Variants in CFAP20DC observed in about 807,000 individuals in gnomAD.
The protein encoded by CFAP20DC is protein CFAP20DC.
A neutral mutation model predicts 101.7 loss-of-function variants in CFAP20DC; 84 were observed. That is an observed-to-expected ratio of 0.83 (90% CI 0.69 to 0.99). The LOEUF (loss-of-function observed/expected upper bound fraction) is 0.99. CFAP20DC is among the 50% of genes least tolerant of loss of function. The pLI is 0.00. For missense variants in CFAP20DC, 1,007 were observed against 970.3 expected (o/e 1.04, Z -0.50); for synonymous variants, 359 against 351.2 (o/e 1.02, Z -0.25).
At chr3:59,035,703 A>C (rs542824598) in intron 4 of CFAP20DC, among the ~76,000 whole-genome samples, 1 of 152,336 alleles carries the variant, frequency 6.6e-6, no homozygotes, top group African/African-American at 2.4e-5. Flanking sequence ...GGCAGTAATT[A>C]ATACCCTACC....
At chr3:58,885,601 C>T (rs944338891) in intron 6 of CFAP20DC, among the ~76,000 whole-genome samples, 8 of 150,556 alleles carry the variant, frequency 5.3e-5, no homozygotes, top group Non-Finnish European at 1.2e-4. Flanking sequence ...TACATCTTTC[C>T]CTACCCCTCC....
In CFAP20DC at chr3:58,913,949, G is replaced by A. The variant is rs1443183259; in HGVS notation, c.394-85C>T. 1.4e-6 allele frequency: 2 copies of A among 1,401,140 alleles called. No homozygotes were observed. The highest frequency in any genetic ancestry group is 1.4e-5 in the African/African-American group (1 of 70,212). The allele number at this position is 1,401,140 out of a possible 1,614,324, so 86.8% of individuals were successfully genotyped here. A position where few individuals can be genotyped will look rare whatever the true frequency, so the allele number is the denominator to read the frequency against. ...CCATCTATATGTAGACATTCAAAGAGTTGAGGCAGTTATCCTGATCAACAA... is the reference window on the plus strand; with the variant it reads ...CCATCTATATGTAGACATTCAAAGAATTGAGGCAGTTATCCTGATCAACAA... On this transcript the variant is annotated intron_variant, in intron 5 of 16. Coordinates refer to ENST00000482387, the MANE Select transcript of CFAP20DC (RefSeq NM_001394063.1). The surrounding 1 kb of genome is among the most constrained non-coding windows in gnomAD (Gnocchi z 4.4).
intron 4 of CFAP20DC, among the ~76,000 whole-genome samples, chr3:58,947,203 CT>C (rs1275592996): frequency 6.6e-6 from 1 of 152,160 alleles, no homozygotes; most frequent in Non-Finnish European, 1.5e-5. Context: ...CAACCATTTA[CT>C]TTACTTTACT....
At chr3:58,784,993 G>A (rs76179962) in intron 15 of CFAP20DC, among the ~76,000 whole-genome samples, 2,193 of 152,020 alleles carry the variant, frequency 0.014, 54 homozygotes, top group African/African-American at 0.051. Context: ...TGTTTATTGC[G>A]GCACTATTCA....
chr3:59,004,421 T>C (rs2093384443), intron 4 of CFAP20DC, among the ~76,000 whole-genome samples: 1 of 152,160 alleles, frequency 6.6e-6, no homozygotes, highest in Non-Finnish European at 1.5e-5. Context: ...ACATTAATTA[T>C]TATGGTAAGA....
At chr3:59,034,661 T>C (rs1321971399) in intron 4 of CFAP20DC, among the ~76,000 whole-genome samples, 1 of 152,118 alleles carries the variant, frequency 6.6e-6, no homozygotes, top group Non-Finnish European at 1.5e-5. Flanking sequence ...CAAATATATA[T>C]ACACCCAATA....
chr3:59,035,867 A>G lies in CFAP20DC; in HGVS notation c.278+3690T>C, dbSNP rs908734113. ...TTTATGAGGCCAGCATCATCCTGATACCAAAACCTGACAGAGACACAACAA... is the reference window on the plus strand; with the variant it reads ...TTTATGAGGCCAGCATCATCCTGATGCCAAAACCTGACAGAGACACAACAA... On this transcript the variant is annotated intron_variant, in intron 4 of 16. Transcript: ENST00000482387. 2.0e-5 allele frequency among the ~76,000 whole-genome samples: 3 copies of G among 152,210 alleles called. No homozygotes were observed. In the East Asian group the frequency reaches 5.8e-4, roughly 29 times the overall value.
At chr3:58,825,569 T>A (rs1438678154) in intron 14 of CFAP20DC, among the ~76,000 whole-genome samples, 1 of 150,624 alleles carries the variant, frequency 6.6e-6, no homozygotes, top group Non-Finnish European at 1.5e-5. Context: ...CATGGCTTTA[T>A]GCTATTGTCA....
chr3:59,046,406 GA>G (rs1055633051), intron 2 of CFAP20DC, 84 bp from the exon 3 acceptor site: 158 of 830,880 alleles, frequency 1.9e-4, no homozygotes, highest in South Asian at 2.8e-4. Context: ...GATCTACAGG[GA>G]AAAAAAAATC....
At position 58,849,023 on chromosome 3, in the gene CFAP20DC, A is replaced by C. The variant is rs1324221915; in HGVS notation, c.1971+9T>G. The C allele has an allele frequency of 6.5e-7, 1 of 1,533,576 alleles. No individual in the cohort carries two copies. The highest frequency in any genetic ancestry group is 1.2e-5 in the South Asian group (1 of 83,752). 95.0% of individuals were successfully genotyped at this position (1,533,576 alleles called of 1,614,324 possible). A position where few individuals can be genotyped will look rare whatever the true frequency, so the allele number is the denominator to read the frequency against. On this transcript the variant is annotated intron_variant, in intron 13 of 16. Coordinates refer to ENST00000482387, the MANE Select transcript of CFAP20DC (RefSeq NM_001394063.1). ...GCCGGCATCTGTAAACCACACGGGAACCACTTACAGATGCTTCGGGGATCG... is the reference window on the plus strand; with the variant it reads ...GCCGGCATCTGTAAACCACACGGGACCCACTTACAGATGCTTCGGGGATCG...
intron 3 of CFAP20DC, among the ~76,000 whole-genome samples, chr3:58,725,404 T>G (rs1053749424): frequency 6.6e-6 from 1 of 152,180 alleles, no homozygotes; most frequent in African/African-American, 2.4e-5. Context: ...CCCAGCACCC[T>G]TTCCCCCTGC....
At chr3:58,797,941 A>G (rs1327843292) in intron 15 of CFAP20DC, among the ~76,000 whole-genome samples, 2 of 152,164 alleles carry the variant, frequency 1.3e-5, no homozygotes, top group Admixed American at 6.5e-5. Context: ...GAATATCTTG[A>G]GCCTACTACT....
rs9849548 is a variant in CFAP20DC at position 58,788,470 on chromosome 3, T to A, written c.2237+17925A>T. On this transcript the variant is annotated intron_variant, in intron 15 of 16. Transcript: ENST00000482387. This position sits in a 1 kb window ranked among gnomAD's most constrained non-coding sequence, Gnocchi z 4.2. ...AACGAGAAAAATTTCTTACCTTTAGTTTATCACCTCAACTTCTAGCACGAC... is the reference window on the plus strand; with the variant it reads ...AACGAGAAAAATTTCTTACCTTTAGATTATCACCTCAACTTCTAGCACGAC... Among the ~76,000 whole-genome samples, 1,504 of 152,206 alleles carry A rather than the reference T, an allele frequency of 9.9e-3. 24 individuals carry two copies. Among genetic ancestry groups the A allele is most frequent in the African/African-American group, 0.035 (1,454 of 41,514 alleles).
At chr3:58,999,033 A>G (rs189257988) in intron 4 of CFAP20DC, among the ~76,000 whole-genome samples, 2 of 152,330 alleles carry the variant, frequency 1.3e-5, no homozygotes, top group East Asian at 3.9e-4. Flanking sequence ...GGACTGAGAC[A>G]CCTAGGGAAA....
intron 14 of CFAP20DC, among the ~76,000 whole-genome samples, chr3:58,816,595 C>T (rs920043618): frequency 3.3e-5 from 5 of 151,680 alleles, no homozygotes; most frequent in African/African-American, 7.3e-5. Flanking sequence ...GCTTAAAAAA[C>T]GGTGAACCAC....
In CFAP20DC at chr3:58,868,107, C is replaced by G. The variant is rs540988078; in HGVS notation, c.1016-171G>C. 5.5e-4 allele frequency among the ~76,000 whole-genome samples: 84 copies of G among 152,174 alleles called. No homozygotes were observed. The highest frequency in any genetic ancestry group is 1.8e-3 in the African/African-American group (73 of 41,538). On this transcript the variant is annotated intron_variant, in intron 9 of 16. Coordinates refer to ENST00000482387, the MANE Select transcript of CFAP20DC (RefSeq NM_001394063.1). This position sits in a 1 kb window ranked among gnomAD's most constrained non-coding sequence, Gnocchi z 4.6. ...TAGAAAATAGGCATTTATTCCTATTCCGATATTGGGATCCTATCAGGCTTT... is the reference window on the plus strand; with the variant it reads ...TAGAAAATAGGCATTTATTCCTATTGCGATATTGGGATCCTATCAGGCTTT...
At chr3:58,853,880 A>G (rs1389926662) in intron 12 of CFAP20DC, among the ~76,000 whole-genome samples, 1 of 151,736 alleles carries the variant, frequency 6.6e-6, no homozygotes, top group Non-Finnish European at 1.5e-5. Flanking sequence ...CCAATATCAT[A>G]CTGAATGGGC....
intron 6 of CFAP20DC, 26 bp from the exon 7 acceptor site, chr3:58,884,735 T>G: frequency 6.3e-7 from 1 of 1,583,326 alleles, no homozygotes; most frequent in Non-Finnish European, 8.6e-7. Context: ...AACATTCATT[T>G]TCAAAATGTA....
intron 4 of CFAP20DC, among the ~76,000 whole-genome samples, chr3:59,027,626 GA>G (rs2093916379): frequency 2.0e-5 from 3 of 152,330 alleles, no homozygotes; most frequent in Admixed American, 1.3e-4. Context: ...ATATTCAGAA[GA>G]TGAATACAAT....
Sources: allele counts gnomAD v4.1 joint callset (sites outside exome capture counted in the v4.1 genomes callset), GRCh38; gene constraint gnomAD v4.1.1; non-coding constraint Gnocchi (gnomAD v3.1); transcripts MANE v1.5; gene names NCBI Gene and HGNC (gene_info 2026-07-23, HGNC 2026-07-21).